CDH18: variants seen among roughly 807,000 people sequenced by gnomAD.
CDH18 encodes cadherin 18.
In CDH18, 31 loss-of-function variants were observed where a neutral mutation model predicts 67.9. That is an observed-to-expected ratio of 0.46 (90% confidence interval 0.34 to 0.62). CDH18 has a LOEUF of 0.62. Among genes scored for constraint, CDH18 ranks in the 20% least tolerant of loss-of-function variants. CDH18 has a pLI of 0.01. For missense variants in CDH18, 890 were observed against 975.5 expected (o/e 0.91, Z 1.17); for synonymous variants, 362 against 347.2 (o/e 1.04, Z -0.48).
In CDH18 at chr5:20,425,350, G is replaced by A. The variant is rs972056416; in HGVS notation, c.-580+150112C>T. 8.0e-5 allele frequency among the ~76,000 whole-genome samples: 12 copies of A among 150,650 alleles called. 2 individuals carry two copies. The highest frequency in any genetic ancestry group is 2.7e-4 in the African/African-American group (11 of 40,108). Reference sequence around the variant, plus strand: ...TGCGCGATTGCACTCCAGCCTAGGTGAGAGGGTGAGACTCTGTCTCAAAAA... The same window carrying A: ...TGCGCGATTGCACTCCAGCCTAGGTAAGAGGGTGAGACTCTGTCTCAAAAA... On this transcript the variant is annotated intron_variant, in intron 1 of 14. Transcript: ENST00000507958.
At chr5:19,675,280 A>G (rs1329023685) in intron 5 of CDH18, among the ~76,000 whole-genome samples, 1 of 82,590 alleles carries the variant, frequency 1.2e-5, no homozygotes, top group East Asian at 4.6e-4. Context: ...TGTCATTGAT[A>G]ATTTTTATCA....
chr5:20,310,455 T>C (rs952206399), intron 1 of CDH18, among the ~76,000 whole-genome samples: 1 of 152,172 alleles, frequency 6.6e-6, no homozygotes, highest in African/African-American at 2.4e-5. Context: ...CATTAAAATA[T>C]AAAATAGTGA....
At chr5:20,439,410 T>A (rs1423545899) in intron 1 of CDH18, among the ~76,000 whole-genome samples, 1 of 151,426 alleles carries the variant, frequency 6.6e-6, no homozygotes, top group African/African-American at 2.4e-5. Flanking sequence ...GTTTTCAGAC[T>A]TGAAAGATCA....
At chr5:20,350,139 T>C (rs971212283) in intron 1 of CDH18, among the ~76,000 whole-genome samples, 1 of 152,164 alleles carries the variant, frequency 6.6e-6, no homozygotes, top group Admixed American at 6.5e-5. Flanking sequence ...GCTTACTGAT[T>C]TATTCTAATA....
At chr5:19,656,415 T>C (rs1032651160) in intron 5 of CDH18, among the ~76,000 whole-genome samples, 1 of 152,114 alleles carries the variant, frequency 6.6e-6, no homozygotes, top group Admixed American at 6.6e-5. Context: ...AAATTAAAAC[T>C]ACCATAGGTG....
At chr5:20,069,597 G>A (rs1314775455) in intron 2 of CDH18, among the ~76,000 whole-genome samples, 2 of 151,936 alleles carry the variant, frequency 1.3e-5, no homozygotes, top group African/African-American at 4.8e-5. Flanking sequence ...ATTTTTAGTA[G>A]AGACGGAGTT....
At chr5:20,233,109 T>A (rs1200802317) in intron 2 of CDH18, among the ~76,000 whole-genome samples, 1 of 151,570 alleles carries the variant, frequency 6.6e-6, no homozygotes, top group African/African-American at 2.4e-5. Flanking sequence ...TTCTTGTTCT[T>A]CATATTACTA....
At chr5:19,921,511 A>G (rs528466429) in intron 2 of CDH18, among the ~76,000 whole-genome samples, 87 of 151,132 alleles carry the variant, frequency 5.8e-4, no homozygotes, top group African/African-American at 2.1e-3. Context: ...AGCCTGGGCA[A>G]CATAGCGAGA....
intron 3 of CDH18, among the ~76,000 whole-genome samples, chr5:19,750,106 C>A (rs1025185191): frequency 6.6e-6 from 1 of 151,972 alleles, no homozygotes; most frequent in Non-Finnish European, 1.5e-5. Flanking sequence ...TTGGTTAAAT[C>A]TTGAAATAAG....
chr5:20,366,749 A>C (rs1345130203), intron 1 of CDH18, among the ~76,000 whole-genome samples: 3 of 152,196 alleles, frequency 2.0e-5, no homozygotes, highest in Non-Finnish European at 4.4e-5. Context: ...CCCGATACAT[A>C]TTAGCTAGCA....
At chr5:20,417,057 G>A (rs1348258428) in intron 1 of CDH18, among the ~76,000 whole-genome samples, 1 of 152,108 alleles carries the variant, frequency 6.6e-6, no homozygotes, top group Non-Finnish European at 1.5e-5. Context: ...ATAAGTGTAT[G>A]GATAACAACC....
At chr5:20,056,478 GTTTTTTTTTT>G (rs58415003) in intron 2 of CDH18, among the ~76,000 whole-genome samples, 4 of 16,286 alleles carry the variant, frequency 2.5e-4, no homozygotes, top group African/African-American at 6.4e-4. Flanking sequence ...TCTTTCTTTT[GTTTTTTTTTT>G]TTTTTTTTTT....
chr5:19,524,428 C>T (rs1747416283), intron 9 of CDH18, among the ~76,000 whole-genome samples: 1 of 151,216 alleles, frequency 6.6e-6, no homozygotes. Context: ...TTAAATATCA[C>T]TTTATTTTGT....
At position 19,700,940 on chromosome 5, in the gene CDH18, A is replaced by G. The variant is rs145027538; in HGVS notation, c.643+20407T>C. Among the ~76,000 whole-genome samples, 350 of 151,472 alleles carry G rather than the reference A, an allele frequency of 2.3e-3. 3 individuals are homozygous for G. The highest frequency in any genetic ancestry group is 8.0e-3 in the African/African-American group (329 of 41,160). ...ATTTAAGTAAACAAAGTGTGGAAAC[A>G]AAGTGAGGAAACAAAGTGAGAAAAA... On this transcript the variant is annotated intron_variant, in intron 5 of 12. Coordinates refer to ENST00000382275, the MANE Select transcript of CDH18 (RefSeq NM_004934.5).
chr5:20,520,693 A>G (rs2471138), intron 1 of CDH18, among the ~76,000 whole-genome samples: 105,509 of 152,070 alleles, frequency 0.69, 37,054 homozygotes, highest in East Asian at 0.98. Context: ...CAATTGGGTT[A>G]ACAGCTTTGT....
chr5:20,531,475 C>T (rs1756393601), intron 1 of CDH18, among the ~76,000 whole-genome samples: 1 of 152,034 alleles, frequency 6.6e-6, no homozygotes, highest in Non-Finnish European at 1.5e-5. Context: ...ATAGCAAAGA[C>T]ATGGATTCAA....
intron 1 of CDH18, among the ~76,000 whole-genome samples, chr5:20,548,292 C>G (rs1280527495): frequency 6.6e-6 from 1 of 151,280 alleles, no homozygotes; most frequent in Non-Finnish European, 1.5e-5. Context: ...CTCATCTTTC[C>G]AAAGTAATTT....
At chr5:19,910,797 T>C (rs1003803790) in intron 2 of CDH18, among the ~76,000 whole-genome samples, 7 of 152,092 alleles carry the variant, frequency 4.6e-5, no homozygotes, top group Non-Finnish European at 1.0e-4. Flanking sequence ...TTGGAGCCTA[T>C]AGCCTAGGAG....
chr5:20,316,435 C>G (rs565405021), intron 1 of CDH18, among the ~76,000 whole-genome samples: 1 of 152,142 alleles, frequency 6.6e-6, no homozygotes, highest in South Asian at 2.1e-4. Context: ...TACTCCAGTC[C>G]TGGCTAGTGA....
Sources: allele counts gnomAD v4.1 joint callset (sites outside exome capture counted in the v4.1 genomes callset), GRCh38; gene constraint gnomAD v4.1.1; transcripts MANE v1.5; gene names NCBI Gene and HGNC (gene_info 2026-07-23, HGNC 2026-07-21).